The following PRUNE2 variants were observed in gnomAD, a reference collection of about 807,000 sequenced individuals.
The protein encoded by PRUNE2 is protein prune homolog 2.
Under a neutral mutation model 252.0 loss-of-function variants are expected in PRUNE2, and 164 were observed. That is an observed-to-expected ratio of 0.65 (90% CI 0.57 to 0.74). The LOEUF (loss-of-function observed/expected upper bound fraction) is 0.74. Among genes scored for constraint, PRUNE2 ranks in the 30% least tolerant of loss-of-function variants. The pLI is 0.00. For synonymous variants in PRUNE2, 1,292 were observed against 1,350.2 expected (o/e 0.96, Z 0.94); for missense variants, 3,495 against 3,711.0 (o/e 0.94, Z 1.51).
chr9:76,843,811 C>G (rs759689140), intron 4 of PRUNE2, among the ~76,000 whole-genome samples: 12 of 146,114 alleles, frequency 8.2e-5, no homozygotes, highest in Non-Finnish European at 1.5e-4. Flanking sequence ...TCACTGCAAC[C>G]TTCGCTTCCT....
At position 76,708,263 on chromosome 9, in the gene PRUNE2, C is replaced by A. The variant is rs781223303; in HGVS notation, c.4011G>T (p.Gly1337=). ...CGATCACCTCCTCTTCATCAAGGTG[C>A]CCCCTGTCAGTGGCTCCCTGGGCTT... The part of the protein sequence containing the change: ...EKEAQGATDR[G]HLDEEEVIAS... Residue 1337 remains glycine (G), a synonymous_variant, in exon 8 of 19, where the codon GGG becomes GGT. Coordinates refer to ENST00000376718, the MANE Select transcript of PRUNE2 (RefSeq NM_015225.3). 17 of 1,613,654 alleles carry A rather than the reference C, an allele frequency of 1.1e-5. No individual in the cohort carries two copies. Among genetic ancestry groups the A allele is most frequent in the Non-Finnish European group, 1.4e-5 (16 of 1,179,870 alleles).
At chr9:76,772,000 T>C (rs547899327) in intron 6 of PRUNE2, among the ~76,000 whole-genome samples, 1 of 152,188 alleles carries the variant, frequency 6.6e-6, no homozygotes, top group African/African-American at 2.4e-5. Flanking sequence ...TACAGCAAAT[T>C]TGCCTATACG....
At chr9:76,764,720 G>C (rs956848954) in intron 6 of PRUNE2, among the ~76,000 whole-genome samples, 1 of 152,216 alleles carries the variant, frequency 6.6e-6, no homozygotes, top group Non-Finnish European at 1.5e-5. Flanking sequence ...GTAGGAGCAG[G>C]GACACCAGTT....
Position 76,710,327 on chromosome 9 carries a change from G to A in PRUNE2, c.1947C>T (p.Thr649=), listed in dbSNP as rs1217445952. Reference sequence around the variant, plus strand: ...CCCACCAGCTGCTGCACCGTGCATGGGTCTGAGGTGGCCCCATGTGACCTG... The same window carrying A: ...CCCACCAGCTGCTGCACCGTGCATGAGTCTGAGGTGGCCCCATGTGACCTG... The part of the protein sequence containing the change: ...TDTGHMGPPQ[T]HARCSSWWGG... Residue 649 remains threonine (T), a synonymous_variant, in exon 8 of 19, where the codon ACC becomes ACT. Coordinates refer to ENST00000376718, the MANE Select transcript of PRUNE2 (RefSeq NM_015225.3). 1.2e-6 allele frequency: 2 copies of A among 1,613,864 alleles called. No homozygotes were observed. The highest frequency in any genetic ancestry group is 2.2e-5 in the East Asian group (1 of 44,890).
In PRUNE2 at chr9:76,796,510, T is replaced by C. The variant is rs771724350; in HGVS notation, c.756+27122A>G. Among the ~76,000 whole-genome samples the C allele has an allele frequency of 6.6e-5, 10 of 152,180 alleles. 1 individual carries two copies. The highest frequency in any genetic ancestry group is 2.0e-4 in the Admixed American group (3 of 15,280). ...CGGCCCCCACCACTTCTTCCCCTGA[T>C]TGGTGTCACAAGTGTCTGGCATGCA... is the stretch of plus-strand genomic sequence containing the variant. On this transcript the variant is annotated intron_variant, in intron 6 of 18. Coordinates refer to ENST00000376718, the MANE Select transcript of PRUNE2 (RefSeq NM_015225.3).
intron 6 of PRUNE2, among the ~76,000 whole-genome samples, chr9:76,720,654 T>G (rs1419607854): frequency 6.6e-6 from 1 of 152,016 alleles, no homozygotes; most frequent in Non-Finnish European, 1.5e-5. Flanking sequence ...TAAATCTGAT[T>G]CATAGAAAGT....
chr9:76,851,786 T>C lies in PRUNE2; in HGVS notation c.142-1121A>G, dbSNP rs2059975012. 2.0e-5 allele frequency among the ~76,000 whole-genome samples: 3 copies of C among 152,092 alleles called. 1 individual carries two copies. The South Asian group carries it at 6.2e-4, about 32-fold the overall frequency. On this transcript the variant is annotated intron_variant, in intron 2 of 18. Coordinates refer to ENST00000376718, the MANE Select transcript of PRUNE2 (RefSeq NM_015225.3). ...ATTAACAAGTCTCTTAGAAAACAGA[T>C]CTGTGGCAACCAGAGAAAACAGGAG...
intron 6 of PRUNE2, chr9:76,788,481 G>A (rs1461484244): frequency 1.4e-6 from 1 of 727,342 alleles, no homozygotes; most frequent in Non-Finnish European, 2.6e-6. Flanking sequence ...TGGATTGAAA[G>A]GCGTCTCTAT....
Position 76,865,840 on chromosome 9 carries a change from CACACACA to C in PRUNE2, c.37-11639_37-11633del, listed in dbSNP as rs1564465955. ...ACACACACACACACACACACACACACACACACACCAGAGCATTATGACATGTGCATTA... is the reference window on the plus strand; with the variant it reads ...ACACACACACACACACACACACACACCCAGAGCATTATGACATGTGCATTA... On this transcript the variant is annotated intron_variant, in intron 1 of 18. Coordinates refer to ENST00000376718, the MANE Select transcript of PRUNE2 (RefSeq NM_015225.3). Among the ~76,000 whole-genome samples the C allele has an allele frequency of 4.5e-3, 687 of 151,688 alleles. 1 individual carries two copies. Among genetic ancestry groups the C allele is most frequent in the African/African-American group, 0.016 (653 of 41,262 alleles).
At chr9:76,647,193 T>C (rs1023927692) in intron 11 of PRUNE2, among the ~76,000 whole-genome samples, 37 of 152,204 alleles carry the variant, frequency 2.4e-4, no homozygotes, top group African/African-American at 7.7e-4. Context: ...AAAAATTGTA[T>C]ACTACTTTCT....
intron 15 of PRUNE2, among the ~76,000 whole-genome samples, chr9:76,631,346 GT>G (rs1837544536): frequency 6.6e-6 from 1 of 152,158 alleles, no homozygotes; most frequent in East Asian, 1.9e-4. Context: ...TGTATCTGGC[GT>G]TTTGTCTACC....
intron 5 of PRUNE2, among the ~76,000 whole-genome samples, chr9:76,825,163 C>T (rs1334002217): frequency 6.6e-6 from 1 of 152,202 alleles, no homozygotes; most frequent in Non-Finnish European, 1.5e-5. Context: ...GAGTAGCCCA[C>T]ACTCTTCCAG....
chr9:76,674,491 G>A (rs1233740348), intron 9 of PRUNE2, among the ~76,000 whole-genome samples: 1 of 151,942 alleles, frequency 6.6e-6, no homozygotes, highest in East Asian at 1.9e-4. Context: ...TACTGCCCAA[G>A]GTAATTTACA....
intron 12 of PRUNE2, chr9:76,641,982 T>C: frequency 2.1e-6 from 3 of 1,422,768 alleles, no homozygotes; most frequent in Non-Finnish European, 2.8e-6. Context: ...CTGAATCTCC[T>C]ATAATGAAAT....
chr9:76,636,573 A>G lies in PRUNE2; in HGVS notation c.8964-16T>C. ...CTTCCTCAACCTATTTTGAAAAAAGAAAAAAAATACATTACTCTTAACCCA... is the reference window on the plus strand; with the variant it reads ...CTTCCTCAACCTATTTTGAAAAAAGGAAAAAAATACATTACTCTTAACCCA... On this transcript the variant is annotated splice_polypyrimidine_tract_variant and intron_variant, in intron 14 of 18. Coordinates refer to ENST00000376718, the MANE Select transcript of PRUNE2 (RefSeq NM_015225.3). 1 of 1,348,728 alleles carries G rather than the reference A, an allele frequency of 7.4e-7. No individual in the cohort carries two copies. The highest frequency in any genetic ancestry group is 2.0e-5 in the Admixed American group (1 of 49,798). 83.5% of individuals were successfully genotyped at this position (1,348,728 alleles called of 1,614,324 possible). A position where few individuals can be genotyped will look rare whatever the true frequency, so the allele number is the denominator to read the frequency against.
chr9:76,766,542 A>G (rs1311298353), intron 6 of PRUNE2, among the ~76,000 whole-genome samples: 5 of 152,150 alleles, frequency 3.3e-5, no homozygotes, highest in Non-Finnish European at 7.3e-5. Flanking sequence ...GGACAACTGG[A>G]TCATGTTCAT....
intron 9 of PRUNE2, among the ~76,000 whole-genome samples, chr9:76,677,512 A>C (rs1051082376): frequency 2.0e-5 from 3 of 152,236 alleles, no homozygotes; most frequent in Non-Finnish European, 2.9e-5. Context: ...CAGCTCCTAA[A>C]GGGCCGCAGA....
chr9:76,822,581 G>T (rs1246272521), intron 6 of PRUNE2, among the ~76,000 whole-genome samples: 1 of 152,190 alleles, frequency 6.6e-6, no homozygotes, highest in East Asian at 1.9e-4. Flanking sequence ...GCCAAGGCAG[G>T]CAGATCATTT....
At chr9:76,846,433 G>A in intron 4 of PRUNE2, 82 bp downstream of exon 4, 2 of 1,238,822 alleles carry the variant, frequency 1.6e-6, no homozygotes, top group Non-Finnish European at 1.1e-6. Flanking sequence ...ACCCAAGAAT[G>A]GATCGCATTC....
Sources: allele counts gnomAD v4.1 joint callset (sites outside exome capture counted in the v4.1 genomes callset), GRCh38; gene constraint gnomAD v4.1.1; transcripts MANE v1.5; gene names NCBI Gene and HGNC (gene_info 2026-07-23, HGNC 2026-07-21).